Variants in NSD1 observed in about 807,000 individuals in gnomAD.
NSD1 encodes the protein nuclear receptor binding SET domain protein 1.
A neutral mutation model predicts 242.7 loss-of-function variants in NSD1; 26 were observed. That is an observed-to-expected ratio of 0.11 (90% CI 0.08 to 0.15). The LOEUF (loss-of-function observed/expected upper bound fraction) is 0.15. Among genes scored for constraint, NSD1 ranks in the 10% least tolerant of loss-of-function variants. The pLI is 1.00. For synonymous variants in NSD1, 1,106 were observed against 1,178.1 expected, an observed-to-expected ratio of 0.94 and a Z score of 1.25; for missense variants, 2,495 against 3,272.8, an observed-to-expected ratio of 0.76 and a Z score of 5.80.
At chr5:177,286,081 G>T (rs1759301298) in intron 20 of NSD1, among the ~76,000 whole-genome samples, 1 of 152,020 alleles carries the variant, frequency 6.6e-6, no homozygotes, top group Non-Finnish European at 1.5e-5. Context: ...ATTTTTAGTA[G>T]AGACTCCTGA....
At chr5:177,221,597 C>T (rs1164372902) in intron 5 of NSD1, among the ~76,000 whole-genome samples, 1 of 150,570 alleles carries the variant, frequency 6.6e-6, no homozygotes, top group Non-Finnish European at 1.5e-5. Flanking sequence ...TCCCAAGTAG[C>T]TGGGATTAGA....
intron 3 of NSD1, among the ~76,000 whole-genome samples, chr5:177,200,381 T>G (rs1359370667): frequency 6.6e-6 from 1 of 152,098 alleles, no homozygotes; most frequent in African/African-American, 2.4e-5. Flanking sequence ...GGTGCTGTCC[T>G]GCCTCAGCCT....
chr5:177,132,083 G>A (rs1305141620), upstream of NSD1, among the ~76,000 whole-genome samples: 3 of 152,184 alleles, frequency 2.0e-5, no homozygotes, highest in Non-Finnish European at 4.4e-5. The surrounding 1 kb of genome is among the most constrained non-coding windows in gnomAD (Gnocchi z 7.5). Context: ...CCACGCGGTC[G>A]TGCTAGATTC....
At chr5:177,204,984 G>T (rs948474368) in intron 4 of NSD1, among the ~76,000 whole-genome samples, 22 of 152,048 alleles carry the variant, frequency 1.4e-4, no homozygotes, top group African/African-American at 5.3e-4. Flanking sequence ...TCTGCTTCTT[G>T]CCACTTGGAC....
Position 177,238,214 on chromosome 5 carries a change from C to CGA in NSD1, c.3922-23_3922-22insGA. ...TTACAACAATTTTGGCCTGTGGACTCTATTTTTATTTTTTGTTCTTAGGTA... is the reference window on the plus strand; with the variant it reads ...TTACAACAATTTTGGCCTGTGGACTCGATATTTTTATTTTTTGTTCTTAGGTA... On this transcript the variant is annotated intron_variant, in intron 6 of 22. Coordinates refer to ENST00000439151, the MANE Select transcript of NSD1 (RefSeq NM_022455.5). The surrounding 1 kb of genome is among the most constrained non-coding windows in gnomAD (Gnocchi z 4.6). 7 of 1,614,078 alleles carry CGA rather than the reference C, an allele frequency of 4.3e-6. No homozygotes were observed. The highest frequency in any genetic ancestry group is 5.9e-6 in the Non-Finnish European group (7 of 1,179,996).
chr5:177,170,166 G>T (rs928230804), intron 2 of NSD1, among the ~76,000 whole-genome samples: 1 of 151,342 alleles, frequency 6.6e-6, no homozygotes, highest in Non-Finnish European at 1.5e-5. Flanking sequence ...TAGAGATGGG[G>T]TTTCACCGTG....
intron 2 of NSD1, among the ~76,000 whole-genome samples, chr5:177,165,438 C>A (rs1010452711): frequency 1.3e-5 from 2 of 152,148 alleles, no homozygotes; most frequent in African/African-American, 4.8e-5. Flanking sequence ...CAAAATGAGC[C>A]ACCGTGCCTG....
intron 2 of NSD1, among the ~76,000 whole-genome samples, chr5:177,190,981 C>CT (rs1182246710): frequency 0.12 from 8,543 of 71,022 alleles, 1,200 homozygotes; most frequent in African/African-American, 0.36. Flanking sequence ...TTTTTTTTTT[C>CT]TTTTTTTTTT....
At chr5:177,243,998 G>C (rs1359863901) in intron 8 of NSD1, among the ~76,000 whole-genome samples, 197 bp from the exon 9 acceptor site, 1 of 152,110 alleles carries the variant, frequency 6.6e-6, no homozygotes, top group Non-Finnish European at 1.5e-5. Context: ...CTGTCTGTTG[G>C]AGCATTTTAA....
chr5:177,165,769 CTGTTGTTGT>C (rs369672305), intron 2 of NSD1, among the ~76,000 whole-genome samples: 2 of 151,806 alleles, frequency 1.3e-5, no homozygotes, highest in Non-Finnish European at 2.9e-5. Context: ...TGGCAAATCA[CTGTTGTTGT>C]TGTTGTTGTT....
intron 13 of NSD1, among the ~76,000 whole-genome samples, chr5:177,258,941 TC>T (rs1756763788): frequency 6.6e-6 from 1 of 152,192 alleles, no homozygotes; most frequent in Non-Finnish European, 1.5e-5. Flanking sequence ...TTCAAGAGAT[TC>T]TCTTGCCTCA....
intron 3 of NSD1, among the ~76,000 whole-genome samples, chr5:177,197,123 A>G (rs1388820589): frequency 6.6e-6 from 1 of 152,002 alleles, no homozygotes; most frequent in Admixed American, 6.6e-5. Flanking sequence ...ACAAAAAATT[A>G]GCTGGGCGTG....
intron 22 of NSD1, among the ~76,000 whole-genome samples, chr5:177,292,976 C>T (rs1759960057): frequency 6.6e-6 from 1 of 152,098 alleles, no homozygotes; most frequent in African/African-American, 2.4e-5. Flanking sequence ...AATTTGTCCC[C>T]AAATTGGCTT....
chr5:177,148,073 A>G (rs985147590), intron 2 of NSD1, among the ~76,000 whole-genome samples: 7 of 152,006 alleles, frequency 4.6e-5, no homozygotes, highest in African/African-American at 1.5e-4. Context: ...CTCTGGGATA[A>G]ATACCAGTAG....
intron 2 of NSD1, among the ~76,000 whole-genome samples, chr5:177,151,930 G>A (rs1310648326): frequency 1.3e-5 from 2 of 151,694 alleles, no homozygotes; most frequent in Non-Finnish European, 2.9e-5. Context: ...GTGCCATCTC[G>A]GCTCACTGAA....
At chr5:177,147,308 T>C (rs557634657) in intron 2 of NSD1, among the ~76,000 whole-genome samples, 2 of 152,292 alleles carry the variant, frequency 1.3e-5, no homozygotes, top group East Asian at 1.9e-4. Flanking sequence ...GGTTTTACCA[T>C]GTTGCTCAAG....
chr5:177,221,614 G>T (rs1271640344), intron 5 of NSD1, among the ~76,000 whole-genome samples: 5 of 151,474 alleles, frequency 3.3e-5, no homozygotes, highest in African/African-American at 1.2e-4. Context: ...TAGATTACAG[G>T]CATGCGCCAC....
At position 177,134,942 on chromosome 5, in the gene NSD1, A is replaced by G. The variant is rs1756184822; in HGVS notation, c.-17-145A>G. Reference sequence around the variant, plus strand: ...AGAGGCTCATCGAGGCCATTTTTTCATCTCCAGTCGGGGGAACTTTTTCTG... The same window carrying G: ...AGAGGCTCATCGAGGCCATTTTTTCGTCTCCAGTCGGGGGAACTTTTTCTG... On this transcript the variant is annotated intron_variant, in intron 1 of 22. Coordinates refer to ENST00000439151, the MANE Select transcript of NSD1 (RefSeq NM_022455.5). This position sits in a 1 kb window ranked among gnomAD's most constrained non-coding sequence, Gnocchi z 4.2. 5 of 683,826 alleles carry G rather than the reference A, an allele frequency of 7.3e-6. No homozygotes were observed. The South Asian group carries it at 9.1e-5, about 12-fold the overall frequency. The allele number at this position is 683,826 out of a possible 1,614,324, so 42.4% of individuals were successfully genotyped here. A position where few individuals can be genotyped will look rare whatever the true frequency, so the allele number is the denominator to read the frequency against.
intron 14 of NSD1, chr5:177,265,705 C>T: frequency 6.2e-7 from 1 of 1,609,182 alleles, no homozygotes; most frequent in African/African-American, 1.3e-5. Context: ...CCTCGCCCGT[C>T]TTCAAGGTCA....
Sources: allele counts gnomAD v4.1 joint callset (sites outside exome capture counted in the v4.1 genomes callset), GRCh38; gene constraint gnomAD v4.1.1; non-coding constraint Gnocchi (gnomAD v3.1); transcripts MANE v1.5; gene names NCBI Gene and HGNC (gene_info 2026-07-23, HGNC 2026-07-21).